The following ATXN7 variants were observed in gnomAD, a reference collection of about 807,000 sequenced individuals.
The protein encoded by ATXN7 is ataxin 7.
ATXN7 carries 12 observed loss-of-function variants against 70.5 expected under a neutral mutation model. That is an observed-to-expected ratio of 0.17 (90% CI 0.11 to 0.28). The LOEUF (loss-of-function observed/expected upper bound fraction) is 0.28. ATXN7 is among the 10% of genes least tolerant of loss of function. The pLI is 1.00. For synonymous variants in ATXN7, 498 were observed against 448.7 expected (o/e 1.11, Z -1.39); for missense variants, 1,256 against 1,131.7 (o/e 1.11, Z -1.58).
chr3:63,906,613 G>C (rs546695083), intron 2 of ATXN7, among the ~76,000 whole-genome samples: 6 of 152,336 alleles, frequency 3.9e-5, no homozygotes, highest in African/African-American at 1.4e-4. Flanking sequence ...AGGTGGGGAT[G>C]AGTTCCCATG....
At chr3:63,913,282 G>T (rs914900950) in intron 4 of ATXN7, 57 bp downstream of exon 4, 2 of 1,526,298 alleles carry the variant, frequency 1.3e-6, no homozygotes, top group Admixed American at 1.7e-5. Flanking sequence ...TTCATTGACA[G>T]TTCACTGGGA....
chr3:63,999,358 C>T (rs1194120483), intron 12 of ATXN7, 92 bp from the exon 13 acceptor site: 1 of 1,082,100 alleles, frequency 9.2e-7, no homozygotes, highest in Admixed American at 1.7e-5. Flanking sequence ...AGCGTGCAGC[C>T]TTTGGAATAT....
Position 63,990,870 on chromosome 3 carries a change from G to A in ATXN7, c.1682+11G>A, listed in dbSNP as rs756800601. 6.2e-7 allele frequency: 1 copy of A among 1,614,218 alleles called. No homozygotes were observed. The highest frequency in any genetic ancestry group is 8.5e-7 in the Non-Finnish European group (1 of 1,180,030). ...TGCACAGCTATGGAAGTGAGTGCCT[G>A]TTGTTCTTGGGAGAGGAGCTGACTT... On this transcript the variant is annotated intron_variant, in intron 11 of 12. Coordinates refer to ENST00000674280, the MANE Select transcript of ATXN7 (RefSeq NM_001377405.1).
chr3:64,001,201 T>C lies in ATXN7; in HGVS notation c.*1734T>C, dbSNP rs2075829676. On this transcript the variant is annotated 3_prime_UTR_variant, in exon 13 of 13. Transcript: ENST00000674280. ...AAACAAAAACTTTATGCAGATACTTTAGCTATAAATTGATGTAAAATACTG... is the reference window on the plus strand; with the variant it reads ...AAACAAAAACTTTATGCAGATACTTCAGCTATAAATTGATGTAAAATACTG... 6.6e-6 allele frequency: 1 copy of C among 152,202 alleles called. No individual in the cohort carries two copies. The highest frequency in any genetic ancestry group is 6.5e-5 in the Admixed American group (1 of 15,280). 9.4% of individuals were successfully genotyped at this position (152,202 alleles called of 1,614,324 possible).
Position 63,912,750 on chromosome 3 carries a change from C to G in ATXN7, c.152C>G (p.Pro51Arg), listed in dbSNP as rs1320817850. ...PPPQPQRQQHPPPPPRRTRPE... is the reference protein window; with the variant it reads ...PPPQPQRQQHRPPPPRRTRPE... Reference sequence around the variant, plus strand: ...CCGCAGCCCCAGCGGCAGCAGCACCCGCCACCGCCGCCACGGCGCACACGG... The same window carrying G: ...CCGCAGCCCCAGCGGCAGCAGCACCGGCCACCGCCGCCACGGCGCACACGG... The change falls in exon 3 of 13, where the codon CCG becomes CGG. Residue 51 changes from proline (P) to arginine (R), a missense_variant. Pro to Arg is a moderately radical substitution (Grantham distance 103, BLOSUM62 -2). Transcript: ENST00000674280. 1.5e-6 allele frequency: 2 copies of G among 1,306,894 alleles called. No individual in the cohort carries two copies. The highest frequency in any genetic ancestry group is 1.9e-6 in the Non-Finnish European group (2 of 1,027,302). The allele number at this position is 1,306,894 out of a possible 1,614,324, so 81.0% of individuals were successfully genotyped here. A position where few individuals can be genotyped will look rare whatever the true frequency, so the allele number is the denominator to read the frequency against.
rs1330282436 is a variant in ATXN7, at chr3:63,898,488, C to T, written c.-21C>T. On this transcript the variant is annotated 5_prime_UTR_variant, in exon 2 of 13. Transcript: ENST00000674280. The stretch of plus-strand genomic sequence containing the variant: ...TGATCAGGATTTTTGGCCTACCCTC[C>T]AAAGAAAAGGTAACTGGCTGTTCTG... The T allele has an allele frequency of 2.0e-5, 3 of 152,128 alleles. No homozygotes were observed. Among genetic ancestry groups the T allele is most frequent in the Admixed American group, 6.5e-5 (1 of 15,274 alleles). The allele number at this position is 152,128 out of a possible 1,614,324, so 9.4% of individuals were successfully genotyped here.
chr3:63,947,125 C>G (rs1293920697), intron 4 of ATXN7, among the ~76,000 whole-genome samples: 2 of 152,126 alleles, frequency 1.3e-5, no homozygotes, highest in African/African-American at 4.8e-5. Flanking sequence ...AGTTTCCTGA[C>G]AAATAACAAT....
intron 2 of ATXN7, chr3:63,903,873 C>A (rs1040066677): frequency 2.6e-5 from 4 of 152,118 alleles, no homozygotes; most frequent in African/African-American, 7.2e-5. Context: ...ATAAGTCAAT[C>A]TGGAATTTTT....
At chr3:63,938,544 A>G (rs958233923) in intron 4 of ATXN7, among the ~76,000 whole-genome samples, 1 of 152,200 alleles carries the variant, frequency 6.6e-6, no homozygotes, top group Non-Finnish European at 1.5e-5. Context: ...TTTTATGCAT[A>G]AAGTGAGACC....
At chr3:63,905,182 G>A (rs1010602604) in intron 2 of ATXN7, 19 of 152,004 alleles carry the variant, frequency 1.2e-4, no homozygotes, top group African/African-American at 4.3e-4. Flanking sequence ...TTACCCATTT[G>A]GCTCTGTTTT....
chr3:63,891,284 C>T (rs1703255369), intron 1 of ATXN7, among the ~76,000 whole-genome samples: 1 of 152,056 alleles, frequency 6.6e-6, no homozygotes, highest in African/African-American at 2.4e-5. Context: ...GCTGGGATTA[C>T]AGGCGTGAGC....
chr3:63,908,480 G>A (rs992839245), intron 2 of ATXN7, among the ~76,000 whole-genome samples: 9 of 152,202 alleles, frequency 5.9e-5, no homozygotes, highest in African/African-American at 2.2e-4. Context: ...GTGGATCTGA[G>A]TTTCTTGTTA....
chr3:63,985,185 A>C (rs568438046), intron 8 of ATXN7, among the ~76,000 whole-genome samples: 1 of 152,192 alleles, frequency 6.6e-6, no homozygotes, highest in African/African-American at 2.4e-5. Flanking sequence ...TCAACTCAAA[A>C]TCTTCAAGGA....
Position 63,985,448 on chromosome 3 carries a change from T to A in ATXN7, c.1095+2427T>A, listed in dbSNP as rs371805008. 2.0e-5 allele frequency among the ~76,000 whole-genome samples: 3 copies of A among 152,228 alleles called. No individual in the cohort carries two copies. In the East Asian group the frequency reaches 5.8e-4, roughly 29 times the overall value. ...CCACCAGGCCTGCCCTTTTACAGGA[T>A]GACTTGACTTTTTTTCATTGTTTTG... is the stretch of plus-strand genomic sequence containing the variant. On this transcript the variant is annotated intron_variant, in intron 8 of 12. Transcript: ENST00000674280.
chr3:63,913,494 T>C (rs911371610), intron 4 of ATXN7, among the ~76,000 whole-genome samples: 18 of 152,198 alleles, frequency 1.2e-4, no homozygotes, highest in African/African-American at 4.1e-4. Flanking sequence ...AAGTTTAACC[T>C]AGATCTCTGC....
intron 2 of ATXN7, among the ~76,000 whole-genome samples, chr3:63,911,145 C>T (rs555121912): frequency 6.6e-6 from 1 of 152,124 alleles, no homozygotes. Context: ...GTGAAACATG[C>T]GTGAAACATG....
intron 2 of ATXN7, among the ~76,000 whole-genome samples, chr3:63,910,601 G>A (rs917011192): frequency 3.9e-5 from 6 of 152,126 alleles, no homozygotes; most frequent in Non-Finnish European, 8.8e-5. Context: ...TTCCTGTCAA[G>A]GGAATTATAT....
At chr3:63,884,551 G>A (rs1172875439) in intron 1 of ATXN7, among the ~76,000 whole-genome samples, 5 of 151,998 alleles carry the variant, frequency 3.3e-5, no homozygotes, top group Admixed American at 2.0e-4. Flanking sequence ...AAATGGGAGA[G>A]AATAGATAAA....
At chr3:63,967,730 A>T in intron 5 of ATXN7, 4 of 1,375,122 alleles carry the variant, frequency 2.9e-6, no homozygotes, top group Non-Finnish European at 3.8e-6. Flanking sequence ...AGATGAAATT[A>T]GACTCCACCC....
Sources: allele counts gnomAD v4.1 joint callset (sites outside exome capture counted in the v4.1 genomes callset), GRCh38; gene constraint gnomAD v4.1.1; transcripts MANE v1.5; gene names NCBI Gene and HGNC (gene_info 2026-07-23, HGNC 2026-07-21).